FAM13A: variants seen among roughly 807,000 people sequenced by gnomAD.
The protein encoded by FAM13A is protein FAM13A.
FAM13A carries 76 observed loss-of-function variants against 129.6 expected under a neutral mutation model. The ratio of observed to expected loss-of-function variants is 0.59; its 90% confidence interval spans 0.49 to 0.71. The LOEUF (loss-of-function observed/expected upper bound fraction) is 0.71, where lower values mean the gene tolerates loss of function less well. FAM13A is among the 30% of genes least tolerant of loss of function. The pLI is 0.00. For synonymous variants in FAM13A, 443 were observed against 449.9 expected, an observed-to-expected ratio of 0.98 and a Z score of 0.20; for missense variants, 1,108 against 1,249.3, an observed-to-expected ratio of 0.89 and a Z score of 1.70.
chr4:88,954,503 G>A (rs901434953), intron 4 of FAM13A, among the ~76,000 whole-genome samples: 6 of 152,144 alleles, frequency 3.9e-5, no homozygotes, highest in Non-Finnish European at 8.8e-5. Context: ...TAAGGTCAAG[G>A]GAGGAGCCAG....
intron 4 of FAM13A, among the ~76,000 whole-genome samples, chr4:88,947,388 G>A (rs929553246): frequency 2.0e-5 from 3 of 152,144 alleles, no homozygotes; most frequent in African/African-American, 4.8e-5. Context: ...TAACTTGGGT[G>A]ACAGAGAGAA....
At chr4:88,958,708 C>T (rs1041681403) in intron 4 of FAM13A, among the ~76,000 whole-genome samples, 3 of 152,152 alleles carry the variant, frequency 2.0e-5, no homozygotes, top group Admixed American at 6.5e-5. Flanking sequence ...GGAGTTGGAG[C>T]CCCCCGACAG....
At chr4:88,940,050 T>C (rs1023427824) in intron 4 of FAM13A, among the ~76,000 whole-genome samples, 10 of 152,322 alleles carry the variant, frequency 6.6e-5, no homozygotes, top group Middle Eastern at 3.4e-3. Context: ...AATTGTGAGA[T>C]AGCAAATGTT....
chr4:88,899,099 T>TAC (rs1191635022), intron 6 of FAM13A, among the ~76,000 whole-genome samples: 1 of 147,658 alleles, frequency 6.8e-6, no homozygotes. Context: ...TATGTATATA[T>TAC]ACACACACAC....
chr4:88,758,924 C>T, intron 13 of FAM13A, 23 bp from the exon 14 acceptor site: 1 of 1,608,700 alleles, frequency 6.2e-7, no homozygotes, highest in Admixed American at 1.7e-5. Context: ...CACAATGTCC[C>T]CAAATATCTA....
chr4:89,057,172 G>C lies in FAM13A; in HGVS notation c.-208C>G, dbSNP rs1772297577. On this transcript the variant is annotated 5_prime_UTR_variant, in exon 1 of 24. Transcript: ENST00000264344. ...TCCGCTGAACCCACATGGCTGGAAG[G>C]ACTGCCTGGAGTTGAAATTTGATCC... 7.1e-7 allele frequency: 1 copy of C among 1,414,254 alleles called. No homozygotes were observed. Among genetic ancestry groups the C allele is most frequent in the African/African-American group, 1.5e-5 (1 of 68,812 alleles). The allele number at this position is 1,414,254 out of a possible 1,614,324, so 87.6% of individuals were successfully genotyped here.
At chr4:88,731,913 G>T in intron 22 of FAM13A, 89 bp downstream of exon 22, 1 of 1,050,160 alleles carries the variant, frequency 9.5e-7, no homozygotes, top group Non-Finnish European at 1.3e-6. Flanking sequence ...TATTTTATCA[G>T]CTAATTTATT....
chr4:88,877,557 G>A (rs916039342), intron 6 of FAM13A, among the ~76,000 whole-genome samples: 4 of 152,172 alleles, frequency 2.6e-5, no homozygotes, highest in African/African-American at 7.2e-5. Flanking sequence ...ATTCACATAG[G>A]TGTAGGAAAA....
intron 11 of FAM13A, among the ~76,000 whole-genome samples, chr4:88,770,350 T>C (rs1720410286): frequency 6.6e-6 from 1 of 152,234 alleles, no homozygotes; most frequent in Non-Finnish European, 1.5e-5. Context: ...CTCTTTAGTG[T>C]AAGATCTAGT....
chr4:88,833,131 A>T (rs1421398995), intron 7 of FAM13A, among the ~76,000 whole-genome samples: 1 of 152,218 alleles, frequency 6.6e-6, no homozygotes, highest in East Asian at 1.9e-4. Flanking sequence ...ATGCAGAAAC[A>T]GAAAATCAAA....
chr4:88,737,726 G>C, intron 20 of FAM13A, 171 bp from the exon 21 acceptor site: 2 of 634,766 alleles, frequency 3.2e-6, no homozygotes, highest in Admixed American at 5.7e-5. Context: ...CTTTTTCCAA[G>C]TTGCTGCTTC....
intron 7 of FAM13A, among the ~76,000 whole-genome samples, chr4:88,838,634 G>A (rs1287561116): frequency 2.6e-5 from 4 of 152,042 alleles, no homozygotes; most frequent in Non-Finnish European, 5.9e-5. Context: ...GGCTGAGGCA[G>A]GAGAATGGCG....
intron 4 of FAM13A, chr4:88,989,838 C>T (rs1050562182): frequency 2.0e-5 from 3 of 152,158 alleles, no homozygotes; most frequent in African/African-American, 4.8e-5. Flanking sequence ...TTTACAAATT[C>T]ATTTTTACCT....
intron 7 of FAM13A, among the ~76,000 whole-genome samples, chr4:88,845,787 TATTTTCTAA>T (rs1038857245): frequency 1.8e-4 from 27 of 152,204 alleles, no homozygotes; most frequent in African/African-American, 6.0e-4. Context: ...AAGAAGAATG[TATTTTCTAA>T]ATAATGAAAA....
chr4:88,780,701 G>A (rs1578621986), intron 11 of FAM13A, among the ~76,000 whole-genome samples: 1 of 152,056 alleles, frequency 6.6e-6, no homozygotes, highest in Admixed American at 6.6e-5. Context: ...CTTTAAAAGA[G>A]TACAGATTTG....
chr4:88,842,147 G>A (rs1188311634), intron 7 of FAM13A, among the ~76,000 whole-genome samples: 1 of 152,200 alleles, frequency 6.6e-6, no homozygotes, highest in Admixed American at 6.5e-5. Flanking sequence ...AGTGAAAGAA[G>A]AGAGACACAA....
At chr4:88,842,300 C>A (rs761665764) in intron 7 of FAM13A, among the ~76,000 whole-genome samples, 1 of 152,106 alleles carries the variant, frequency 6.6e-6, no homozygotes, top group Admixed American at 6.5e-5. Flanking sequence ...AGCAGAGATA[C>A]GGAACTGTGA....
chr4:88,845,102 T>C (rs1736425453), intron 7 of FAM13A, among the ~76,000 whole-genome samples: 1 of 151,792 alleles, frequency 6.6e-6, no homozygotes, highest in Non-Finnish European at 1.5e-5. Flanking sequence ...ATAATAATTA[T>C]CTAACCACAA....
intron 6 of FAM13A, among the ~76,000 whole-genome samples, chr4:88,867,180 C>A (rs1035059051): frequency 3.4e-4 from 52 of 152,286 alleles, no homozygotes; most frequent in African/African-American, 1.2e-3. Context: ...TTTAAATACA[C>A]CTTATTTAAT....
Sources: allele counts gnomAD v4.1 joint callset (sites outside exome capture counted in the v4.1 genomes callset), GRCh38; gene constraint gnomAD v4.1.1; transcripts MANE v1.5; gene names NCBI Gene and HGNC (gene_info 2026-07-23, HGNC 2026-07-21).